Variants in USP46 observed in about 807,000 individuals in gnomAD.
The protein encoded by USP46 is ubiquitin specific peptidase 46, also known as ubiquitin carboxyl-terminal hydrolase 46.
USP46 carries 12 observed loss-of-function variants against 44.4 expected under a neutral mutation model. The ratio of observed to expected loss-of-function variants is 0.27; its 90% CI spans 0.17 to 0.44. The LOEUF (loss-of-function observed/expected upper bound fraction) is 0.44. Among genes scored for constraint, USP46 ranks in the 20% least tolerant of loss-of-function variants. The probability of loss-of-function intolerance (pLI) is 1.00; values close to 1 mark genes in which losing one functional copy is unlikely to be tolerated. For missense variants in USP46, 248 were observed against 444.8 expected (o/e 0.56, Z 3.98); for synonymous variants, 155 against 161.5 (o/e 0.96, Z 0.31).
At position 52,626,250 on chromosome 4, in the gene USP46, G is replaced by T; in HGVS notation, c.332-3C>A. 6.2e-7 allele frequency: 1 copy of T among 1,607,988 alleles called. No homozygotes were observed. Among genetic ancestry groups the T allele is most frequent in the Non-Finnish European group, 8.5e-7 (1 of 1,177,086 alleles). On this transcript the variant is annotated splice_polypyrimidine_tract_variant and splice_region_variant and intron_variant, in intron 3 of 8. Transcript: ENST00000441222. Reference sequence around the variant, plus strand: ...CTGCATGTAGTTATCAAAGAGATCTGGAAAGGAGAAGGTGGTTATTTCAGT... The same window carrying T: ...CTGCATGTAGTTATCAAAGAGATCTTGAAAGGAGAAGGTGGTTATTTCAGT...
At chr4:52,633,411 C>T (rs1456882599) in intron 1 of USP46, among the ~76,000 whole-genome samples, 1 of 152,144 alleles carries the variant, frequency 6.6e-6, no homozygotes, top group East Asian at 1.9e-4. Flanking sequence ...TCACTGCCTT[C>T]ACAATAATGT....
rs553355246 is a variant in USP46 at position 52,622,850 on chromosome 4, G to T, written c.561+3168C>A. 3.3e-5 allele frequency among the ~76,000 whole-genome samples: 5 copies of T among 152,324 alleles called. No individual in the cohort carries two copies. The South Asian group carries it at 1.0e-3, about 32-fold the overall frequency. On this transcript the variant is annotated intron_variant, in intron 4 of 8. Transcript: ENST00000441222. The stretch of plus-strand genomic sequence containing the variant: ...AAGTGGCATGTGCAAAGGACCTGAA[G>T]CAGGAAGGGATTTGAAAGGCTTGAG...
intron 4 of USP46, among the ~76,000 whole-genome samples, chr4:52,617,632 CAT>C (rs1717207066): frequency 6.6e-6 from 1 of 152,126 alleles, no homozygotes; most frequent in African/African-American, 2.4e-5. Context: ...CCTAGAATGA[CAT>C]AGTCAAAAGC....
intron 6 of USP46, 139 bp from the exon 7 acceptor site, chr4:52,602,193 T>A (rs1716497706): frequency 1.1e-6 from 1 of 948,974 alleles, no homozygotes; most frequent in African/African-American, 1.6e-5. Flanking sequence ...TTTGCAAGGA[T>A]AAAAGTATGC....
At chr4:52,637,145 T>C (rs1718148229) in intron 1 of USP46, among the ~76,000 whole-genome samples, 1 of 152,144 alleles carries the variant, frequency 6.6e-6, no homozygotes, top group African/African-American at 2.4e-5. Context: ...TCTACTTCCT[T>C]ATCTCCAAAT....
At chr4:52,605,580 C>A (rs1024554861) in intron 5 of USP46, among the ~76,000 whole-genome samples, 2 of 152,192 alleles carry the variant, frequency 1.3e-5, no homozygotes, top group Admixed American at 6.5e-5. Flanking sequence ...AACACAGATT[C>A]TTTCATTCAT....
intron 1 of USP46, among the ~76,000 whole-genome samples, chr4:52,649,820 CAT>C (rs1718686920): frequency 6.6e-6 from 1 of 152,258 alleles, no homozygotes; most frequent in Non-Finnish European, 1.5e-5. Flanking sequence ...TTCCTGCCCT[CAT>C]AGAGTTGTCA....
At chr4:52,616,227 G>A (rs557469411) in intron 4 of USP46, among the ~76,000 whole-genome samples, 1 of 152,338 alleles carries the variant, frequency 6.6e-6, no homozygotes, top group East Asian at 1.9e-4. Flanking sequence ...GTAGAAGCCA[G>A]AGATGCTGCT....
At chr4:52,615,736 TGCCAGTCATGA>T (rs1247539311) in intron 4 of USP46, among the ~76,000 whole-genome samples, 1 of 152,120 alleles carries the variant, frequency 6.6e-6, no homozygotes, top group Non-Finnish European at 1.5e-5. Flanking sequence ...AGGAATTAAC[TGCCAGTCATGA>T]GGGATCTTAC....
chr4:52,603,927 G>A (rs1037928520), intron 6 of USP46, among the ~76,000 whole-genome samples: 3 of 151,932 alleles, frequency 2.0e-5, no homozygotes, highest in Admixed American at 6.6e-5. Context: ...TCAAATGATC[G>A]GCCTGTCTTG....
At chr4:52,642,742 A>G (rs1436422780) in intron 1 of USP46, among the ~76,000 whole-genome samples, 1 of 152,214 alleles carries the variant, frequency 6.6e-6, no homozygotes. Flanking sequence ...AAGACTGTGG[A>G]CCTTTTATCT....
chr4:52,635,268 C>T (rs1292722987), intron 1 of USP46, among the ~76,000 whole-genome samples: 1 of 152,182 alleles, frequency 6.6e-6, no homozygotes, highest in African/African-American at 2.4e-5. Flanking sequence ...TGCCCTTTGG[C>T]CATACGATCT....
intron 4 of USP46, among the ~76,000 whole-genome samples, chr4:52,621,946 CAAGA>C (rs2109623088): frequency 6.6e-6 from 1 of 152,284 alleles, no homozygotes; most frequent in South Asian, 2.1e-4. Context: ...AACCATGCTA[CAAGA>C]AATGGCCAAT....
chr4:52,603,413 T>C (rs1164305621), intron 6 of USP46, among the ~76,000 whole-genome samples: 1 of 152,190 alleles, frequency 6.6e-6, no homozygotes, highest in Non-Finnish European at 1.5e-5. Flanking sequence ...CTGGGAAGGC[T>C]GGGCAGAGAA....
chr4:52,659,033 C>A lies in USP46; in HGVS notation c.36+82G>T, dbSNP rs1419967314. On this transcript the variant is annotated intron_variant, in intron 1 of 8. Coordinates refer to ENST00000441222, the MANE Select transcript of USP46 (RefSeq NM_022832.4). This position sits in a 1 kb window ranked among gnomAD's most constrained non-coding sequence, Gnocchi z 4.2. ...CCCGCCGCCCCCGCCGCCCCAGCCA[C>A]CGGGCGTGTGTGCAGCTCGGGCTTC... is the stretch of plus-strand genomic sequence containing the variant. 2.7e-6 allele frequency: 4 copies of A among 1,470,724 alleles called. No homozygotes were observed. The highest frequency in any genetic ancestry group is 1.7e-4 in the Middle Eastern group (1 of 5,720). The allele number at this position is 1,470,724 out of a possible 1,614,324, so 91.1% of individuals were successfully genotyped here.
intron 4 of USP46, among the ~76,000 whole-genome samples, chr4:52,624,421 G>A (rs1212352079): frequency 6.6e-6 from 1 of 152,102 alleles, no homozygotes; most frequent in African/African-American, 2.4e-5. Context: ...ATTTTAGAAC[G>A]TTACAAATTC....
intron 8 of USP46, among the ~76,000 whole-genome samples, chr4:52,598,056 C>A (rs562423001): frequency 6.6e-6 from 1 of 152,184 alleles, no homozygotes; most frequent in African/African-American, 2.4e-5. Flanking sequence ...TAAGTCTTTT[C>A]GGCCACCAGA....
intron 4 of USP46, among the ~76,000 whole-genome samples, chr4:52,622,998 T>C (rs1164880260): frequency 6.6e-6 from 1 of 152,212 alleles, no homozygotes; most frequent in Non-Finnish European, 1.5e-5. Context: ...AGGCCACTAC[T>C]GTACTTTAGG....
chr4:52,649,868 C>A (rs1268737289), intron 1 of USP46, among the ~76,000 whole-genome samples: 1 of 152,220 alleles, frequency 6.6e-6, no homozygotes, highest in Non-Finnish European at 1.5e-5. Flanking sequence ...TGGATGCTCA[C>A]ATCGGAATCA....
Sources: gnomAD v4.1 joint callset for allele counts (sites outside exome capture counted in the v4.1 genomes callset) on GRCh38, gnomAD v4.1.1 for gene constraint, Gnocchi (gnomAD v3.1) non-coding constraint, MANE v1.5 for transcripts, NCBI Gene and HGNC (gene_info 2026-07-23, HGNC 2026-07-21) for gene names.